HOXD3: variants seen among roughly 807,000 people sequenced by gnomAD.
HOXD3 encodes the protein homeobox D3.
A neutral mutation model predicts 32.8 loss-of-function variants in HOXD3; 13 were observed. That is an observed-to-expected ratio of 0.40 (90% CI 0.26 to 0.63). HOXD3 has a LOEUF of 0.63. Among genes scored for constraint, HOXD3 ranks in the 20% least tolerant of loss-of-function variants. The pLI is 0.44. For synonymous variants in HOXD3, 241 were observed against 246.8 expected, an observed-to-expected ratio of 0.98 and a Z score of 0.22; for missense variants, 504 against 577.1, an observed-to-expected ratio of 0.87 and a Z score of 1.30.
At chr2:176,158,812 C>T (rs935818040) in intron 1 of HOXD3, among the ~76,000 whole-genome samples, 2 of 136,610 alleles carry the variant, frequency 1.5e-5, no homozygotes, top group African/African-American at 2.6e-5. Flanking sequence ...ATCGTCTCCC[C>T]TCCCACCCCC....
intron 1 of HOXD3, among the ~76,000 whole-genome samples, chr2:176,157,853 C>T (rs1335158954): frequency 3.3e-5 from 5 of 152,082 alleles, no homozygotes; most frequent in Middle Eastern, 3.2e-3. Flanking sequence ...GCCTGGCGCA[C>T]GCGGGCCGAG....
chr2:176,153,684 C>G (rs1003692417), upstream of HOXD3, among the ~76,000 whole-genome samples: 1 of 152,196 alleles, frequency 6.6e-6, no homozygotes, highest in Non-Finnish European at 1.5e-5. Flanking sequence ...CTCCACCCCT[C>G]CCCACTCTCT....
At chr2:176,157,654 G>T (rs936249003) in intron 1 of HOXD3, among the ~76,000 whole-genome samples, 1 of 152,176 alleles carries the variant, frequency 6.6e-6, no homozygotes, top group Non-Finnish European at 1.5e-5. Context: ...GAGTGTGTGT[G>T]TGTGTGCGTG....
intron 3 of HOXD3, 37 bp downstream of exon 3, chr2:176,169,692 C>G: frequency 6.5e-7 from 1 of 1,537,614 alleles, no homozygotes; most frequent in Non-Finnish European, 8.8e-7. Context: ...AGACCAAGCC[C>G]CCTCCAGATT....
chr2:176,168,811 C>A lies in HOXD3; in HGVS notation c.-84-220C>A, dbSNP rs551016668. ...ATCGCTTGAGCCCAGTAAATTGAGG[C>A]TGCAGTGAGCCATGTTCATGCCACT... On this transcript the variant is annotated intron_variant, in intron 2 of 3. Transcript: ENST00000683222. 2.1e-4 allele frequency among the ~76,000 whole-genome samples: 32 copies of A among 151,240 alleles called. 1 individual carries two copies. Among genetic ancestry groups the A allele is most frequent in the Non-Finnish European group, 4.3e-4 (29 of 67,776 alleles).
At position 176,169,228 on chromosome 2, in the gene HOXD3, G is replaced by A. The variant is rs373537603; in HGVS notation, c.114G>A (p.Thr38=). ...GAGGCTATGGCTACAGCAAAACTACGGACACTTACGGCTACAGCACCCCCC... is the reference window on the plus strand; with the variant it reads ...GAGGCTATGGCTACAGCAAAACTACAGACACTTACGGCTACAGCACCCCCC... The part of the protein sequence containing the change: ...LFGGYGYSKT[T]DTYGYSTPHQ... Residue 38 remains threonine (T), a synonymous_variant, in exon 3 of 4, where the codon ACG becomes ACA. Coordinates refer to ENST00000683222, the MANE Select transcript of HOXD3 (RefSeq NM_006898.5). 19 of 1,613,910 alleles carry A rather than the reference G, an allele frequency of 1.2e-5. No homozygotes were observed. The highest frequency in any genetic ancestry group is 2.7e-5 in the African/African-American group (2 of 74,858).
upstream of HOXD3, among the ~76,000 whole-genome samples, chr2:176,155,092 A>G (rs1446286247): frequency 6.6e-6 from 1 of 152,180 alleles, no homozygotes; most frequent in South Asian, 2.1e-4. Flanking sequence ...CCTCTCTAAC[A>G]TGGAGAGCAG....
rs746447341 is a variant in HOXD3, at chr2:176,171,548, C to A, written c.573C>A (p.Gly191=). The A allele has an allele frequency of 6.2e-7, 1 of 1,600,964 alleles. No individual in the cohort carries two copies. The highest frequency in any genetic ancestry group is 8.5e-7 in the Non-Finnish European group (1 of 1,172,560). Residue 191 remains glycine, a synonymous_variant, in exon 4 of 4, where the codon GGC becomes GGA. Transcript: ENST00000683222. ...GCTGCGAGGACAAGAGCCCGCCAGG[C>A]CCAGCATCCAAGCGGGTACGCACGG... ...GESCEDKSPP[G]PASKRVRTAY...
chr2:176,160,230 G>A (rs1250157327), intron 1 of HOXD3, among the ~76,000 whole-genome samples: 1 of 152,200 alleles, frequency 6.6e-6, no homozygotes, highest in African/African-American at 2.4e-5. Context: ...GCGGGCCCGG[G>A]AAGCTAGGGG....
chr2:176,156,515 G>A (rs1237979668), upstream of HOXD3, among the ~76,000 whole-genome samples: 1 of 152,182 alleles, frequency 6.6e-6, no homozygotes, highest in Non-Finnish European at 1.5e-5. Flanking sequence ...GGCAGGGAGA[G>A]CGTGCTGGGT....
In HOXD3 at chr2:176,171,501, C is replaced by G. The variant is rs766630331; in HGVS notation, c.542-16C>G. The G allele has an allele frequency of 6.4e-7, 1 of 1,564,484 alleles. No homozygotes were observed. Among genetic ancestry groups the G allele is most frequent in the Non-Finnish European group, 8.7e-7 (1 of 1,154,038 alleles). ...CCCACTCGCTCAGCGCCCTCCCTCT[C>G]TCCCTCCCTGCCCAGGAGAGAGCTG... On this transcript the variant is annotated splice_polypyrimidine_tract_variant and intron_variant, in intron 3 of 3. Coordinates refer to ENST00000683222, the MANE Select transcript of HOXD3 (RefSeq NM_006898.5).
chr2:176,163,928 G>A (rs114468054), intron 1 of HOXD3, 145 bp from the exon 2 acceptor site: 17 of 152,294 alleles, frequency 1.1e-4, no homozygotes, highest in African/African-American at 3.9e-4. Flanking sequence ...GTGTTTTGCC[G>A]GGGAGAAGGC....
chr2:176,167,881 C>A (rs1156786634), intron 2 of HOXD3, among the ~76,000 whole-genome samples: 3 of 152,052 alleles, frequency 2.0e-5, no homozygotes, highest in East Asian at 1.9e-4. Context: ...GAACAGTAGA[C>A]AAATGACACA....
chr2:176,154,937 G>T (rs1690614568), upstream of HOXD3, among the ~76,000 whole-genome samples: 1 of 152,172 alleles, frequency 6.6e-6, no homozygotes, highest in African/African-American at 2.4e-5. Context: ...AAGCTGAAAA[G>T]GTATTTTACC....
upstream of HOXD3, chr2:176,152,735 C>T (rs1163359030): frequency 2.5e-6 from 4 of 1,614,054 alleles, no homozygotes; most frequent in South Asian, 2.2e-5. This position sits in a 1 kb window ranked among gnomAD's most constrained non-coding sequence, Gnocchi z 5.2. Flanking sequence ...GGATTGAAAT[C>T]GCTCACACCC....
intron 1 of HOXD3, among the ~76,000 whole-genome samples, chr2:176,163,849 C>G (rs980011894): frequency 6.6e-6 from 1 of 152,112 alleles, no homozygotes; most frequent in African/African-American, 2.4e-5. Flanking sequence ...TCCGGGCTCT[C>G]CCCTCCCCCA....
Position 176,171,795 on chromosome 2 carries a change from G to C in HOXD3, c.820G>C (p.Gly274Arg), listed in dbSNP as rs751389762. 1 of 1,612,940 alleles carries C rather than the reference G, an allele frequency of 6.2e-7. No individual in the cohort carries two copies. Among genetic ancestry groups the C allele is most frequent in the Non-Finnish European group, 8.5e-7 (1 of 1,179,536 alleles). ...SQSPERSPPL[G>R]GAAGHVAYSG... ...GTCCCCTGAGCGCAGCCCACCGCTC[G>C]GCGGCGCCGCTGGCCACGTGGCCTA... is the stretch of plus-strand genomic sequence containing the variant. Residue 274 changes from glycine (G) to arginine (R), a missense_variant, in exon 4 of 4, where the codon GGC becomes CGC. Transcript: ENST00000683222.
At chr2:176,154,913 G>A (rs1026983819), upstream of HOXD3, among the ~76,000 whole-genome samples, 1 of 152,082 alleles carries the variant, frequency 6.6e-6, no homozygotes, top group Non-Finnish European at 1.5e-5. Flanking sequence ...TTTTTCTGAC[G>A]CCCTCACGTT....
upstream of HOXD3, chr2:176,153,115 TA>T: frequency 7.9e-6 from 4 of 506,916 alleles, no homozygotes; most frequent in East Asian, 3.8e-5. Context: ...GCCCCCTCCC[TA>T]GAGCGGGATG....
Sources: allele counts gnomAD v4.1 joint callset (sites outside exome capture counted in the v4.1 genomes callset), GRCh38; gene constraint gnomAD v4.1.1; non-coding constraint Gnocchi (gnomAD v3.1); transcripts MANE v1.5; gene names NCBI Gene and HGNC (gene_info 2026-07-23, HGNC 2026-07-21).